The following DPP10 variants were observed in gnomAD, a reference collection of about 807,000 sequenced individuals.
The protein encoded by DPP10 is dipeptidyl peptidase like 10, also known as inactive dipeptidyl peptidase 10.
A neutral mutation model predicts 120.9 loss-of-function variants in DPP10; 33 were observed. The ratio of observed to expected loss-of-function variants is 0.27; its 90% CI spans 0.21 to 0.37. The LOEUF (loss-of-function observed/expected upper bound fraction) is 0.37, where lower values mean the gene tolerates loss of function less well. DPP10 is among the 10% of genes least tolerant of loss of function. The pLI, the probability that DPP10 is intolerant of heterozygous loss-of-function variation, is 1.00. For missense variants in DPP10, 816 were observed against 942.8 expected (o/e 0.87, Z 1.76); for synonymous variants, 337 against 326.1 (o/e 1.03, Z -0.36).
At chr2:114,655,667 A>G (rs541617081) in intron 1 of DPP10, among the ~76,000 whole-genome samples, 1 of 152,266 alleles carries the variant, frequency 6.6e-6, no homozygotes, top group African/African-American at 2.4e-5. Context: ...TTCTTAGTCA[A>G]CCTGCTTTTT....
intron 1 of DPP10, among the ~76,000 whole-genome samples, chr2:115,109,985 A>G (rs1361823870): frequency 1.3e-5 from 2 of 152,258 alleles, no homozygotes; most frequent in East Asian, 1.9e-4. Context: ...TAAGTAACTT[A>G]GCAAGTATGA....
chr2:115,592,058 G>T (rs2082696852), intron 5 of DPP10, among the ~76,000 whole-genome samples: 1 of 152,116 alleles, frequency 6.6e-6, no homozygotes, highest in Non-Finnish European at 1.5e-5. Flanking sequence ...ACTAAAGGGG[G>T]TTGTCCTCCT....
At chr2:115,805,438 C>G (rs919975848) in intron 19 of DPP10, among the ~76,000 whole-genome samples, 2 of 152,178 alleles carry the variant, frequency 1.3e-5, no homozygotes, top group Admixed American at 1.3e-4. Flanking sequence ...ACCCACTGTC[C>G]TGCACCCACT....
At chr2:114,560,112 T>C (rs1449350608) in intron 1 of DPP10, among the ~76,000 whole-genome samples, 2 of 152,170 alleles carry the variant, frequency 1.3e-5, no homozygotes, top group Non-Finnish European at 2.9e-5. Context: ...TTGGTTCCAA[T>C]AGTTTAAGAA....
At chr2:115,255,601 CT>C (rs1456616460) in intron 1 of DPP10, among the ~76,000 whole-genome samples, 1 of 152,158 alleles carries the variant, frequency 6.6e-6, no homozygotes, top group Non-Finnish European at 1.5e-5. Flanking sequence ...GCTCTGCTTC[CT>C]CTTTAATTAT....
At chr2:115,381,855 T>C (rs1197224279) in intron 3 of DPP10, among the ~76,000 whole-genome samples, 2 of 152,024 alleles carry the variant, frequency 1.3e-5, no homozygotes, top group East Asian at 1.9e-4. Context: ...GCCTCCCAGT[T>C]AGGCTTCTCG....
chr2:114,949,130 G>T (rs558513504), intron 1 of DPP10, among the ~76,000 whole-genome samples: 1 of 152,058 alleles, frequency 6.6e-6, no homozygotes, highest in East Asian at 1.9e-4. Flanking sequence ...TCACCATGTT[G>T]CCCAGGATGG....
At chr2:114,606,297 A>G (rs1327161457) in intron 1 of DPP10, among the ~76,000 whole-genome samples, 1 of 152,118 alleles carries the variant, frequency 6.6e-6, no homozygotes, top group Non-Finnish European at 1.5e-5. Flanking sequence ...ACTAGGACTC[A>G]GACTGGTCCT....
At chr2:115,458,473 C>G (rs777783483) in intron 3 of DPP10, among the ~76,000 whole-genome samples, 1 of 152,142 alleles carries the variant, frequency 6.6e-6, no homozygotes, top group Non-Finnish European at 1.5e-5. Context: ...AAAGTTTCCT[C>G]TAGTTGAACA....
chr2:115,286,547 T>C (rs1473291036), intron 1 of DPP10, among the ~76,000 whole-genome samples: 1 of 74,760 alleles, frequency 1.3e-5, no homozygotes, highest in East Asian at 3.4e-4. Context: ...ATATAAAATA[T>C]ATACAGAAGG....
chr2:114,780,306 A>AAAAC lies in DPP10; in HGVS notation c.60+337471_60+337474dup, dbSNP rs770839904. Reference sequence around the variant, plus strand: ...AATAATAGGATAGCTTGGTTTTGAGAAAACAAGTGACAAATTATCATACTT... The same window carrying AAAAC: ...AATAATAGGATAGCTTGGTTTTGAGAAAACAAACAAGTGACAAATTATCATACTT... On this transcript the variant is annotated intron_variant, in intron 1 of 25. Coordinates refer to ENST00000410059, the MANE Select transcript of DPP10 (RefSeq NM_020868.6). Among the ~76,000 whole-genome samples the AAAAC allele has an allele frequency of 1.2e-3, 179 of 152,310 alleles. 1 individual carries two copies. Among genetic ancestry groups the AAAAC allele is most frequent in the Non-Finnish European group, 1.9e-3 (130 of 68,000 alleles).
At chr2:115,723,616 T>C (rs2092696702) in intron 7 of DPP10, among the ~76,000 whole-genome samples, 1 of 34,198 alleles carries the variant, frequency 2.9e-5, no homozygotes, top group South Asian at 1.2e-3. Flanking sequence ...GTTGTTGTTG[T>C]TTTTTGTTTT....
chr2:115,838,633 C>T (rs1046615605), intron 24 of DPP10, among the ~76,000 whole-genome samples: 1 of 152,138 alleles, frequency 6.6e-6, no homozygotes, highest in African/African-American at 2.4e-5. Flanking sequence ...TTTCAAATTT[C>T]TCTGTCAATA....
chr2:115,048,786 A>G (rs1341463267), intron 1 of DPP10, among the ~76,000 whole-genome samples: 1 of 151,970 alleles, frequency 6.6e-6, no homozygotes, highest in African/African-American at 2.4e-5. Flanking sequence ...TCTTTTTACA[A>G]AAGGTTTAGA....
chr2:115,308,224 A>C (rs1161031644), intron 1 of DPP10, among the ~76,000 whole-genome samples: 2 of 152,118 alleles, frequency 1.3e-5, no homozygotes, highest in Non-Finnish European at 2.9e-5. Flanking sequence ...TATTCTGTTT[A>C]TATTTGTTGA....
intron 21 of DPP10, among the ~76,000 whole-genome samples, chr2:115,833,287 A>G (rs1257409913): frequency 6.6e-6 from 1 of 152,208 alleles, no homozygotes; most frequent in Non-Finnish European, 1.5e-5. Context: ...ATCAGCTGAA[A>G]GTTTGCTTGG....
intron 1 of DPP10, among the ~76,000 whole-genome samples, chr2:114,875,864 T>C (rs1326176306): frequency 6.6e-6 from 1 of 152,056 alleles, no homozygotes; most frequent in Non-Finnish European, 1.5e-5. Flanking sequence ...TAATAACAAA[T>C]AGACAAGGGC....
At chr2:115,238,885 A>AG (rs1281712619) in intron 1 of DPP10, among the ~76,000 whole-genome samples, 3 of 152,136 alleles carry the variant, frequency 2.0e-5, no homozygotes, top group Non-Finnish European at 4.4e-5. Context: ...ACACGATCAC[A>AG]AGGTCCCATC....
chr2:114,708,285 C>G (rs1700808183), intron 1 of DPP10, among the ~76,000 whole-genome samples: 1 of 152,190 alleles, frequency 6.6e-6, no homozygotes, highest in Admixed American at 6.5e-5. Flanking sequence ...GTTTTACACC[C>G]TGGTTGCCCC....
Sources: allele counts gnomAD v4.1 joint callset (sites outside exome capture counted in the v4.1 genomes callset), GRCh38; gene constraint gnomAD v4.1.1; transcripts MANE v1.5; gene names NCBI Gene and HGNC (gene_info 2026-07-23, HGNC 2026-07-21).